Variants in ACTR3C observed in about 807,000 individuals in gnomAD.
ACTR3C encodes actin related protein 3C, also known as actin-related protein 3C.
Under a neutral mutation model 26.3 loss-of-function variants are expected in ACTR3C, and 18 were observed. The ratio of observed to expected loss-of-function variants is 0.68; its 90% CI spans 0.47 to 1.01. ACTR3C has a LOEUF of 1.01. Ranked by LOEUF, ACTR3C falls within the 50% of genes least tolerant of loss-of-function variation. ACTR3C has a pLI of 0.00. For synonymous variants in ACTR3C, 55 were observed against 94.5 expected, an observed-to-expected ratio of 0.58 and a Z score of 2.42; for missense variants, 184 against 250.7, an observed-to-expected ratio of 0.73 and a Z score of 1.80.
the ACTR3C span, among the ~76,000 whole-genome samples, chr7:150,163,452 CTGTT>C: frequency 1.3e-5 from 2 of 150,188 alleles, no homozygotes; most frequent in African/African-American, 2.5e-5. Context: ...ATATACTTAT[CTGTT>C]TGTGTATATA....
the ACTR3C span, among the ~76,000 whole-genome samples, chr7:150,180,106 T>C: frequency 1.9e-4 from 29 of 150,954 alleles, 1 homozygote; most frequent in Middle Eastern, 3.4e-3. Context: ...GAGATCAAGA[T>C]CATCCTGGCT....
At chr7:149,921,643 G>T in the ACTR3C span, among the ~76,000 whole-genome samples, 2 of 152,156 alleles carry the variant, frequency 1.3e-5, no homozygotes, top group African/African-American at 4.8e-5. Context: ...TTGGGAGGCT[G>T]AGGCAGGCAG....
chr7:149,922,970 CTTTTTTTT>C, the ACTR3C span, among the ~76,000 whole-genome samples: 749 of 69,178 alleles, frequency 0.011, 15 homozygotes, highest in Admixed American at 0.023. Flanking sequence ...AAATAAAAGG[CTTTTTTTT>C]TTTTTTTTTT....
At chr7:149,956,715 T>C in the ACTR3C span, among the ~76,000 whole-genome samples, 2 of 151,304 alleles carry the variant, frequency 1.3e-5, no homozygotes, top group Non-Finnish European at 3.0e-5. Flanking sequence ...TAGGCATACA[T>C]GTAGGCTTGG....
the ACTR3C span, among the ~76,000 whole-genome samples, chr7:150,043,343 G>T: frequency 6.6e-6 from 1 of 151,276 alleles, no homozygotes; most frequent in African/African-American, 2.4e-5. Context: ...TCCCCACCCT[G>T]TGATGGGGGT....
chr7:150,066,776 T>C, the ACTR3C span, among the ~76,000 whole-genome samples: 2 of 152,318 alleles, frequency 1.3e-5, no homozygotes, highest in South Asian at 4.1e-4. Context: ...TTAGTTCCAC[T>C]CAAATTGCAA....
the ACTR3C span, among the ~76,000 whole-genome samples, chr7:150,183,051 T>A: frequency 6.6e-6 from 1 of 151,032 alleles, no homozygotes; most frequent in Non-Finnish European, 1.5e-5. Context: ...ATGAGGGCAA[T>A]GTTCTTTGCA....
At chr7:150,173,878 TA>T in the ACTR3C span, among the ~76,000 whole-genome samples, 1 of 147,862 alleles carries the variant, frequency 6.8e-6, no homozygotes, top group African/African-American at 2.7e-5. Context: ...GTCTCTTTGC[TA>T]AAACACAACA....
the ACTR3C span, among the ~76,000 whole-genome samples, chr7:150,137,093 A>T: frequency 6.6e-6 from 1 of 152,108 alleles, no homozygotes; most frequent in African/African-American, 2.4e-5. Context: ...AGTCATGCTC[A>T]CTCACCTGCT....
chr7:149,887,123 A>C, the ACTR3C span, among the ~76,000 whole-genome samples: 1 of 152,210 alleles, frequency 6.6e-6, no homozygotes, highest in African/African-American at 2.4e-5. Flanking sequence ...TAAAATTATC[A>C]TGTAATAGGG....
chr7:149,912,376 A>G, the ACTR3C span, among the ~76,000 whole-genome samples: 22 of 151,984 alleles, frequency 1.4e-4, 1 homozygote, highest in Non-Finnish European at 2.9e-4. Flanking sequence ...TTAAGTCACA[A>G]CATTCTTTTA....
chr7:150,174,131 G>A, the ACTR3C span, among the ~76,000 whole-genome samples: 1 of 139,166 alleles, frequency 7.2e-6, no homozygotes, highest in Non-Finnish European at 1.5e-5. Context: ...TTTCAGCAAT[G>A]CCCCAATGTA....
intron 3 of ACTR3C, among the ~76,000 whole-genome samples, chr7:150,292,739 C>T (rs1400235981): frequency 6.6e-6 from 1 of 152,186 alleles, no homozygotes; most frequent in Non-Finnish European, 1.5e-5. Flanking sequence ...TCAGGTGATC[C>T]GCCCGCCTTG....
the ACTR3C span, among the ~76,000 whole-genome samples, chr7:149,918,394 TA>T: frequency 4.6e-5 from 7 of 151,200 alleles, no homozygotes; most frequent in Non-Finnish European, 7.4e-5. Flanking sequence ...TTTTAAAAAT[TA>T]AAAAAAAAAT....
chr7:149,883,652 T>C, the ACTR3C span, among the ~76,000 whole-genome samples: 1 of 152,164 alleles, frequency 6.6e-6, no homozygotes, highest in Non-Finnish European at 1.5e-5. Flanking sequence ...TGCGCATTGC[T>C]GGGGGTGGAT....
the ACTR3C span, among the ~76,000 whole-genome samples, chr7:150,217,098 GGTAAA>G: frequency 6.8e-6 from 1 of 147,394 alleles, no homozygotes; most frequent in African/African-American, 2.7e-5. Context: ...GGGGCTCAAA[GGTAAA>G]GTAATGCCTC....
the ACTR3C span, among the ~76,000 whole-genome samples, chr7:149,926,864 G>A: frequency 5.3e-5 from 8 of 151,844 alleles, no homozygotes; most frequent in East Asian, 9.7e-4. Flanking sequence ...TGAAGAGACC[G>A]AAAAAAATAA....
chr7:149,961,431 C>T, the ACTR3C span, among the ~76,000 whole-genome samples: 517 of 150,668 alleles, frequency 3.4e-3, no homozygotes, highest in African/African-American at 0.012. Context: ...ACAGGAAGTA[C>T]ACAGATAGGA....
At chr7:150,161,222 A>ATATATATATATTTATT in the ACTR3C span, among the ~76,000 whole-genome samples, 3 of 120,420 alleles carry the variant, frequency 2.5e-5, no homozygotes, top group South Asian at 2.5e-4. Context: ...ATATATATAT[A>ATATATATATATTTATT]TATTTATTAT....
Sources: gnomAD v4.1 joint callset for allele counts (sites outside exome capture counted in the v4.1 genomes callset) on GRCh38, gnomAD v4.1.1 for gene constraint, MANE v1.5 for transcripts, NCBI Gene and HGNC (gene_info 2026-07-23, HGNC 2026-07-21) for gene names.